Variants in ZBTB20 observed in about 807,000 individuals in gnomAD.
ZBTB20 encodes zinc finger and BTB domain containing 20.
ZBTB20 carries 9 observed loss-of-function variants against 56.9 expected under a neutral mutation model. The ratio of observed to expected loss-of-function variants is 0.16; its 90% CI spans 0.10 to 0.28. The LOEUF (loss-of-function observed/expected upper bound fraction) is 0.28. Ranked by LOEUF, ZBTB20 falls within the 10% of genes least tolerant of loss-of-function variation. The pLI is 1.00. For synonymous variants in ZBTB20, 417 were observed against 420.7 expected (o/e 0.99, Z 0.11); for missense variants, 655 against 1,003.0 (o/e 0.65, Z 4.69).
intron 1 of ZBTB20, among the ~76,000 whole-genome samples, chr3:115,082,274 T>A (rs1481927560): frequency 6.6e-6 from 1 of 152,160 alleles, no homozygotes; most frequent in Non-Finnish European, 1.5e-5. Flanking sequence ...ACACACACAG[T>A]TACCTTTTCC....
At chr3:114,371,491 T>C (rs2083004370) in intron 10 of ZBTB20, among the ~76,000 whole-genome samples, 1 of 152,186 alleles carries the variant, frequency 6.6e-6, no homozygotes, top group African/African-American at 2.4e-5. Context: ...TGGAAGTTGT[T>C]TGTGAATGTT....
At chr3:114,343,439 C>T (rs2079946588) in intron 11 of ZBTB20, among the ~76,000 whole-genome samples, 1 of 152,204 alleles carries the variant, frequency 6.6e-6, no homozygotes, top group South Asian at 2.1e-4. Context: ...GCCTCCCCAT[C>T]ATCTGCCCTA....
chr3:115,140,786 T>G (rs553963831), intron 1 of ZBTB20, among the ~76,000 whole-genome samples: 7 of 152,224 alleles, frequency 4.6e-5, no homozygotes, highest in Admixed American at 4.6e-4. Context: ...ATCTTTTTAA[T>G]ATTATGTTGA....
At chr3:115,044,398 C>T (rs1246969662) in intron 2 of ZBTB20, among the ~76,000 whole-genome samples, 1 of 152,088 alleles carries the variant, frequency 6.6e-6, no homozygotes, top group Non-Finnish European at 1.5e-5. Context: ...ATACTTTTTT[C>T]CAAGCTTCAG....
intron 7 of ZBTB20, among the ~76,000 whole-genome samples, chr3:114,481,024 A>T (rs1254638113): frequency 6.6e-6 from 1 of 152,192 alleles, no homozygotes; most frequent in African/African-American, 2.4e-5. Flanking sequence ...TGTTTTAAAA[A>T]AATAGCAAAA....
At chr3:114,500,057 A>G (rs1029045980) in intron 7 of ZBTB20, among the ~76,000 whole-genome samples, 9 of 152,336 alleles carry the variant, frequency 5.9e-5, no homozygotes, top group Non-Finnish European at 1.3e-4. Flanking sequence ...TTGGCTGAAT[A>G]ATGTAAGCTA....
In ZBTB20 at chr3:114,635,877, C is replaced by T. The variant is rs550323927; in HGVS notation, c.-295+57651G>A. On this transcript the variant is annotated intron_variant, in intron 6 of 11. Transcript: ENST00000675478. ...GAAGAGAGGGAAAGGGGTAGAAAGCCTATTTAAAGAAATAATGGTAAGGAA... is the reference window on the plus strand; with the variant it reads ...GAAGAGAGGGAAAGGGGTAGAAAGCTTATTTAAAGAAATAATGGTAAGGAA... Among the ~76,000 whole-genome samples the T allele has an allele frequency of 2.0e-5, 3 of 151,890 alleles. No homozygotes were observed. In the South Asian group the frequency reaches 6.2e-4, roughly 32 times the overall value.
chr3:114,385,149 A>G (rs918812540), intron 8 of ZBTB20, among the ~76,000 whole-genome samples: 26 of 152,154 alleles, frequency 1.7e-4, no homozygotes, highest in Non-Finnish European at 4.4e-5. Flanking sequence ...TCAGATAGGA[A>G]AAAATTAGTT....
intron 4 of ZBTB20, among the ~76,000 whole-genome samples, chr3:114,849,968 C>T (rs1448745596): frequency 1.4e-5 from 2 of 143,348 alleles, no homozygotes; most frequent in East Asian, 4.1e-4. Flanking sequence ...GGCGCAATCT[C>T]GGCTCACTGC....
intron 6 of ZBTB20, chr3:114,688,404 AG>A (rs1181435404): frequency 2.6e-5 from 4 of 151,544 alleles, no homozygotes; most frequent in African/African-American, 9.7e-5. Flanking sequence ...AAAAAAAAAA[AG>A]AAATTTGTAA....
Position 114,668,000 on chromosome 3 carries a change from TTG to T in ZBTB20, c.-295+25526_-295+25527del, listed in dbSNP as rs559408617. ...ATTTCTGATAAATTCCATGAAAATT[TTG>T]TGTTACATATTTTAAAAATTGTGTA... On this transcript the variant is annotated intron_variant, in intron 6 of 11. Transcript: ENST00000675478. Among the ~76,000 whole-genome samples, 417 of 152,162 alleles carry T rather than the reference TTG, an allele frequency of 2.7e-3. 1 individual carries two copies. Among genetic ancestry groups the T allele is most frequent in the African/African-American group, 9.6e-3 (398 of 41,554 alleles).
At chr3:114,611,319 G>A (rs577942821) in intron 6 of ZBTB20, among the ~76,000 whole-genome samples, 1 of 151,982 alleles carries the variant, frequency 6.6e-6, no homozygotes, top group African/African-American at 2.4e-5. Flanking sequence ...TGTGCAGATC[G>A]ACACTCTATG....
chr3:114,340,012 C>T (rs749613743), intron 11 of ZBTB20, among the ~76,000 whole-genome samples: 5 of 152,184 alleles, frequency 3.3e-5, no homozygotes, highest in Admixed American at 6.5e-5. Flanking sequence ...TTTTGAAGAG[C>T]TATACTTTCA....
At chr3:114,514,313 G>A (rs1017143907) in intron 6 of ZBTB20, among the ~76,000 whole-genome samples, 14 of 152,240 alleles carry the variant, frequency 9.2e-5, no homozygotes, top group African/African-American at 3.4e-4. Flanking sequence ...TAGGGTTTAG[G>A]AACTACTAAA....
At chr3:114,713,286 G>T (rs971584781) in intron 5 of ZBTB20, among the ~76,000 whole-genome samples, 7 of 152,028 alleles carry the variant, frequency 4.6e-5, no homozygotes, top group African/African-American at 9.7e-5. Context: ...CTCAATTGAC[G>T]CATGAGCTCA....
At chr3:115,091,424 A>G (rs962984724) in intron 1 of ZBTB20, among the ~76,000 whole-genome samples, 1 of 152,084 alleles carries the variant, frequency 6.6e-6, no homozygotes, top group African/African-American at 2.4e-5. Flanking sequence ...AAACTTAAGT[A>G]TGTTACCCCA....
chr3:114,970,477 C>T (rs1204982121), intron 3 of ZBTB20, among the ~76,000 whole-genome samples: 3 of 152,244 alleles, frequency 2.0e-5, no homozygotes, highest in South Asian at 2.1e-4. Context: ...GGACAATGTT[C>T]GTGCTTCTTC....
chr3:114,754,450 A>G (rs2067847844), intron 5 of ZBTB20, among the ~76,000 whole-genome samples: 1 of 152,162 alleles, frequency 6.6e-6, no homozygotes, highest in Non-Finnish European at 1.5e-5. Context: ...TATGTTTTGC[A>G]GCTTCCAAAT....
At position 114,391,017 on chromosome 3, in the gene ZBTB20, T is replaced by A. The variant is rs533748935; in HGVS notation, c.-254-1912A>T. Among the ~76,000 whole-genome samples the A allele has an allele frequency of 2.0e-5, 3 of 152,126 alleles. No homozygotes were observed. In the South Asian group the frequency reaches 6.2e-4, roughly 32 times the overall value. ...TTTTTTTTTTCTTCCTATATCCAAT[T>A]AGCTACCCAATCCTGTAGATTCTAC... On this transcript the variant is annotated intron_variant, in intron 7 of 11. Coordinates refer to ENST00000675478, the MANE Select transcript of ZBTB20 (RefSeq NM_001348800.3).
Sources: gnomAD v4.1 joint callset for allele counts (sites outside exome capture counted in the v4.1 genomes callset) on GRCh38, gnomAD v4.1.1 for gene constraint, MANE v1.5 for transcripts, NCBI Gene and HGNC (gene_info 2026-07-23, HGNC 2026-07-21) for gene names.